SCFD2: variants seen among roughly 807,000 people sequenced by gnomAD.
The protein encoded by SCFD2 is sec1 family domain-containing protein 2.
In SCFD2, 54 loss-of-function variants were observed where a neutral mutation model predicts 58.9. That is an observed-to-expected ratio of 0.92 (90% CI 0.74 to 1.15). The LOEUF (loss-of-function observed/expected upper bound fraction) is 1.15, where lower values mean the gene tolerates loss of function less well. Among genes scored for constraint, SCFD2 ranks in the 50% most tolerant of loss-of-function variants. The pLI, the probability that SCFD2 is intolerant of heterozygous loss-of-function variation, is 0.00. For synonymous variants in SCFD2, 321 were observed against 335.9 expected, an observed-to-expected ratio of 0.96 and a Z score of 0.49; for missense variants, 805 against 836.6, an observed-to-expected ratio of 0.96 and a Z score of 0.47.
rs1231084877 is a variant in SCFD2, at chr4:53,144,561, T to C, written c.1561+772A>G. On this transcript the variant is annotated intron_variant, in intron 5 of 8. Coordinates refer to ENST00000401642, the MANE Select transcript of SCFD2 (RefSeq NM_152540.4). ...TTTTTTATATATAATATATATATAA[T>C]ATATAAAAACACTACTGAAAATGGC... Among the ~76,000 whole-genome samples, 6 of 148,030 alleles carry C rather than the reference T, an allele frequency of 4.1e-5. No homozygotes were observed. The Admixed American group carries it at 4.1e-4, about 10-fold the overall frequency.
intron 7 of SCFD2, among the ~76,000 whole-genome samples, chr4:52,899,453 T>G (rs1347850532): frequency 6.6e-6 from 1 of 152,230 alleles, no homozygotes; most frequent in Non-Finnish European, 1.5e-5. Context: ...AAAATTCTTT[T>G]CTTTAAGAAT....
At chr4:52,953,611 T>A (rs1720649743) in intron 5 of SCFD2, among the ~76,000 whole-genome samples, 1 of 152,090 alleles carries the variant, frequency 6.6e-6, no homozygotes, top group Non-Finnish European at 1.5e-5. Flanking sequence ...ACAGGGATTG[T>A]GAGGAATGAA....
chr4:53,276,042 G>A (rs1470925149), intron 3 of SCFD2, among the ~76,000 whole-genome samples: 1 of 151,774 alleles, frequency 6.6e-6, no homozygotes, highest in African/African-American at 2.4e-5. Flanking sequence ...GTGTGTGTGT[G>A]TATACATATG....
At chr4:53,305,607 TA>T (rs1305351014) in intron 3 of SCFD2, among the ~76,000 whole-genome samples, 4 of 152,230 alleles carry the variant, frequency 2.6e-5, no homozygotes, top group African/African-American at 9.6e-5. Context: ...TTATTTTTTG[TA>T]AAAATGTCAC....
At chr4:53,123,923 T>C (rs1725553818) in intron 5 of SCFD2, among the ~76,000 whole-genome samples, 1 of 152,200 alleles carries the variant, frequency 6.6e-6, no homozygotes, top group Non-Finnish European at 1.5e-5. Flanking sequence ...GAATGGTGCT[T>C]GGAAACCACT....
At chr4:52,946,260 T>C (rs1348174855) in intron 5 of SCFD2, among the ~76,000 whole-genome samples, 4 of 152,154 alleles carry the variant, frequency 2.6e-5, no homozygotes, top group Non-Finnish European at 5.9e-5. Context: ...GCTGTGATTA[T>C]CAGCCGTGAA....
intron 4 of SCFD2, among the ~76,000 whole-genome samples, chr4:53,243,609 G>A (rs1729969174): frequency 6.6e-6 from 1 of 151,394 alleles, no homozygotes; most frequent in Admixed American, 6.6e-5. Flanking sequence ...ATGAAGAGAG[G>A]ATTAAATCCA....
chr4:53,230,997 A>C (rs1729419761), intron 4 of SCFD2, among the ~76,000 whole-genome samples: 1 of 152,094 alleles, frequency 6.6e-6, no homozygotes, highest in African/African-American at 2.4e-5. Flanking sequence ...ATAAGTTATA[A>C]AATGTCAGTC....
intron 4 of SCFD2, among the ~76,000 whole-genome samples, chr4:53,272,128 G>A (rs532797997): frequency 1.3e-5 from 2 of 152,324 alleles, no homozygotes; most frequent in African/African-American, 4.8e-5. Context: ...GGCCATCGGA[G>A]AAATGCAAAT....
intron 4 of SCFD2, among the ~76,000 whole-genome samples, chr4:53,250,099 GAGGAAGATCTACCA>G (rs1296965880): frequency 7.2e-5 from 11 of 152,146 alleles, no homozygotes; most frequent in Non-Finnish European, 1.6e-4. Context: ...TAAAAGGATG[GAGGAAGATCTACCA>G]AGCAAATGGA....
intron 7 of SCFD2, among the ~76,000 whole-genome samples, chr4:52,894,562 C>A (rs1258581321): frequency 6.6e-6 from 1 of 152,138 alleles, no homozygotes; most frequent in Non-Finnish European, 1.5e-5. Context: ...TCAAGCTTTC[C>A]TCTAAGGAGC....
chr4:53,274,875 A>G (rs1731281389), intron 3 of SCFD2, among the ~76,000 whole-genome samples: 1 of 152,228 alleles, frequency 6.6e-6, no homozygotes, highest in African/African-American at 2.4e-5. Flanking sequence ...GGGGCCAAAC[A>G]TAGATGTAAG....
At chr4:53,323,846 G>A (rs1733099327) in intron 2 of SCFD2, among the ~76,000 whole-genome samples, 1 of 151,930 alleles carries the variant, frequency 6.6e-6, no homozygotes, top group African/African-American at 2.4e-5. Context: ...CCAAAAACCT[G>A]GGAAACCACT....
intron 1 of SCFD2, among the ~76,000 whole-genome samples, chr4:53,364,421 C>A (rs1734636443): frequency 6.6e-6 from 1 of 152,300 alleles, no homozygotes; most frequent in East Asian, 1.9e-4. Flanking sequence ...AATAACATAT[C>A]AAACATCAGA....
chr4:53,249,185 A>C lies in SCFD2; in HGVS notation c.1311+24641T>G, dbSNP rs549940999. On this transcript the variant is annotated intron_variant, in intron 4 of 8. Transcript: ENST00000401642. ...CAGAAGCCTCAGGAGCCGATGAGATAAACTGGAAGAAAGGGTATCAGTGAT... is the reference window on the plus strand; with the variant it reads ...CAGAAGCCTCAGGAGCCGATGAGATCAACTGGAAGAAAGGGTATCAGTGAT... Among the ~76,000 whole-genome samples, 445 of 152,314 alleles carry C rather than the reference A, an allele frequency of 2.9e-3. 2 individuals are homozygous for C. Among genetic ancestry groups the C allele is most frequent in the African/African-American group, 9.9e-3 (412 of 41,582 alleles).
intron 4 of SCFD2, among the ~76,000 whole-genome samples, chr4:53,188,050 C>G (rs1046244765): frequency 2.6e-5 from 4 of 151,836 alleles, no homozygotes; most frequent in Non-Finnish European, 4.4e-5. Context: ...AGCAGTTTAG[C>G]AGAAAAATTC....
chr4:53,221,841 G>A (rs1729055616), intron 4 of SCFD2, among the ~76,000 whole-genome samples: 1 of 152,188 alleles, frequency 6.6e-6, no homozygotes, highest in African/African-American at 2.4e-5. Context: ...TACAGCTGGT[G>A]ACATTTCCAG....
intron 5 of SCFD2, among the ~76,000 whole-genome samples, chr4:53,118,639 G>A (rs1285740252): frequency 2.0e-5 from 3 of 152,120 alleles, no homozygotes; most frequent in Non-Finnish European, 4.4e-5. Flanking sequence ...GCTGAGCAGT[G>A]ATCCCACCCA....
intron 4 of SCFD2, among the ~76,000 whole-genome samples, chr4:53,173,811 A>G (rs991451887): frequency 3.9e-5 from 6 of 152,296 alleles, no homozygotes; most frequent in Admixed American, 3.9e-4. Context: ...TTTCAAGCTG[A>G]TAACTGCTTA....
Sources: allele counts gnomAD v4.1 joint callset (sites outside exome capture counted in the v4.1 genomes callset), GRCh38; gene constraint gnomAD v4.1.1; transcripts MANE v1.5; gene names NCBI Gene and HGNC (gene_info 2026-07-23, HGNC 2026-07-21).